Variants in STPG2 observed in about 807,000 individuals in gnomAD.
STPG2 encodes sperm-tail PG-rich repeat-containing protein 2.
Under a neutral mutation model 54.2 loss-of-function variants are expected in STPG2, and 56 were observed. The observed-to-expected ratio is 1.03, with a 90% CI of 0.83 to 1.29. The LOEUF (loss-of-function observed/expected upper bound fraction) is 1.29, where lower values mean the gene tolerates loss of function less well. STPG2 is among the 50% of genes most tolerant of loss of function. The pLI, the probability that STPG2 is intolerant of heterozygous loss-of-function variation, is 0.00. For synonymous variants in STPG2, 200 were observed against 181.8 expected, an observed-to-expected ratio of 1.10 and a Z score of -0.81; for missense variants, 596 against 544.9, an observed-to-expected ratio of 1.09 and a Z score of -0.93.
intron 8 of STPG2, among the ~76,000 whole-genome samples, chr4:97,845,225 T>C (rs1390958023): frequency 1.3e-5 from 2 of 152,044 alleles, no homozygotes; most frequent in Non-Finnish European, 2.9e-5. Context: ...TTAATGAGAT[T>C]TGTTGTCCAT....
At chr4:97,740,225 C>G (rs985970386) in intron 9 of STPG2, among the ~76,000 whole-genome samples, 10 of 151,968 alleles carry the variant, frequency 6.6e-5, no homozygotes, top group South Asian at 4.1e-4. Context: ...AAAATAATAA[C>G]AGCTATCTAT....
At chr4:97,956,820 T>C (rs1016040464) in intron 7 of STPG2, among the ~76,000 whole-genome samples, 3 of 152,116 alleles carry the variant, frequency 2.0e-5, no homozygotes, top group Admixed American at 6.6e-5. Flanking sequence ...CTTGTTTCCC[T>C]TGAAAACAGC....
intron 4 of STPG2, among the ~76,000 whole-genome samples, chr4:97,467,739 A>C (rs1170978602): frequency 6.6e-6 from 1 of 151,936 alleles, no homozygotes; most frequent in Non-Finnish European, 1.5e-5. Context: ...GAGTAGGCTA[A>C]TGCAAAATAA....
chr4:97,723,869 G>A (rs928617496), intron 9 of STPG2, among the ~76,000 whole-genome samples: 2 of 152,114 alleles, frequency 1.3e-5, no homozygotes, highest in Non-Finnish European at 2.9e-5. Flanking sequence ...TGGCATAAGG[G>A]AAACTGTTCC....
intron 10 of STPG2, among the ~76,000 whole-genome samples, chr4:97,602,014 G>A (rs1733475318): frequency 6.8e-6 from 1 of 147,966 alleles, no homozygotes; most frequent in Admixed American, 6.6e-5. Flanking sequence ...TATTTACATA[G>A]TAGGTTTTAA....
chr4:97,689,956 C>G (rs2148987429), intron 10 of STPG2, among the ~76,000 whole-genome samples: 1 of 151,978 alleles, frequency 6.6e-6, no homozygotes, highest in African/African-American at 2.4e-5. Flanking sequence ...TTCCATTTTT[C>G]TTTTGTATTA....
intron 10 of STPG2, among the ~76,000 whole-genome samples, chr4:97,614,946 A>G (rs1733821402): frequency 6.6e-6 from 1 of 152,140 alleles, no homozygotes. Context: ...AAATAAGGTG[A>G]ACTTTTTTCC....
intron 9 of STPG2, among the ~76,000 whole-genome samples, chr4:97,759,651 G>A (rs1725831776): frequency 6.6e-6 from 1 of 152,006 alleles, no homozygotes; most frequent in Non-Finnish European, 1.5e-5. Flanking sequence ...GGTAATATTT[G>A]GGGAATTCAT....
At chr4:97,695,577 T>C (rs1723542864) in intron 10 of STPG2, among the ~76,000 whole-genome samples, 2 of 152,150 alleles carry the variant, frequency 1.3e-5, no homozygotes, top group African/African-American at 2.4e-5. Flanking sequence ...GCTGATGATA[T>C]GACAGTATAC....
At chr4:97,648,210 A>G (rs1022490773) in intron 10 of STPG2, among the ~76,000 whole-genome samples, 2 of 152,136 alleles carry the variant, frequency 1.3e-5, no homozygotes, top group African/African-American at 4.8e-5. Flanking sequence ...AGGTAAAGCC[A>G]TCCCAGTGTG....
chr4:98,070,036 G>A (rs1387178441), intron 5 of STPG2, among the ~76,000 whole-genome samples: 1 of 151,984 alleles, frequency 6.6e-6, no homozygotes, highest in Non-Finnish European at 1.5e-5. Context: ...CTCATTTTAT[G>A]AGGCTACCAT....
At position 98,055,437 on chromosome 4, in the gene STPG2, C is replaced by T. The variant is rs145364221; in HGVS notation, c.612+50516G>A. Among the ~76,000 whole-genome samples the T allele has an allele frequency of 1.5e-3, 228 of 152,222 alleles. 1 individual carries two copies. Among genetic ancestry groups the T allele is most frequent in the African/African-American group, 5.4e-3 (226 of 41,534 alleles). On this transcript the variant is annotated intron_variant, in intron 5 of 10. Transcript: ENST00000295268. ...GGCTGAACGGAGAGAAAGCTAGGAA[C>T]CCCACATGGGCTAAGAGCACCAGAC... is the stretch of plus-strand genomic sequence containing the variant.
chr4:97,943,985 AC>A lies in STPG2; in HGVS notation c.955del (p.Val319TrpfsTer10). 6.2e-7 allele frequency: 1 copy of A among 1,608,790 alleles called. No homozygotes were observed. The highest frequency in any genetic ancestry group is 1.1e-5 in the South Asian group (1 of 90,146). ...DYQEFWHSQG[V>X]GISDELPNLT... ...GTTAGGTAATTCATCAGAAATTCCCACACCCTGTGAATGCCAAAATTCCTGT... is the reference window on the plus strand; with the variant it reads ...GTTAGGTAATTCATCAGAAATTCCCAACCCTGTGAATGCCAAAATTCCTGT... On this transcript the variant is annotated frameshift_variant, in exon 8 of 11. Transcript: ENST00000295268. LOFTEE classifies it high-confidence loss of function.
At chr4:97,949,081 T>G (rs1280948145) in intron 7 of STPG2, among the ~76,000 whole-genome samples, 1 of 152,172 alleles carries the variant, frequency 6.6e-6, no homozygotes, top group Non-Finnish European at 1.5e-5. Context: ...GTTTTAAAAA[T>G]CTGAGAGCTC....
intron 4 of STPG2, among the ~76,000 whole-genome samples, chr4:97,486,198 T>C (rs899527080): frequency 2.0e-5 from 3 of 151,780 alleles, no homozygotes; most frequent in Admixed American, 2.0e-4. Flanking sequence ...TAAAGAGCTT[T>C]TGCTTGGCAA....
At chr4:97,730,613 T>A (rs1724766188) in intron 9 of STPG2, among the ~76,000 whole-genome samples, 1 of 152,180 alleles carries the variant, frequency 6.6e-6, no homozygotes, top group South Asian at 2.1e-4. Context: ...TCCTTACATA[T>A]GTTTTCCAAA....
intron 5 of STPG2, among the ~76,000 whole-genome samples, chr4:98,072,433 A>G (rs1374471765): frequency 2.0e-5 from 3 of 152,098 alleles, no homozygotes; most frequent in African/African-American, 7.2e-5. Context: ...AGCATCAGGA[A>G]TAACAGCTAA....
chr4:97,963,033 C>T (rs1208264271), intron 7 of STPG2, among the ~76,000 whole-genome samples: 1 of 152,086 alleles, frequency 6.6e-6, no homozygotes, highest in Non-Finnish European at 1.5e-5. Context: ...GTGGCACACA[C>T]CTGTAATCCC....
chr4:97,494,817 C>T (rs563346267), intron 4 of STPG2, among the ~76,000 whole-genome samples: 1 of 151,508 alleles, frequency 6.6e-6, no homozygotes, highest in African/African-American at 2.4e-5. Context: ...ATTCCACAAG[C>T]TTTTACACAA....
Sources: gnomAD v4.1 joint callset for allele counts (sites outside exome capture counted in the v4.1 genomes callset) on GRCh38, gnomAD v4.1.1 for gene constraint, MANE v1.5 for transcripts, NCBI Gene and HGNC (gene_info 2026-07-23, HGNC 2026-07-21) for gene names.